Variants in CT47C1 observed in about 807,000 individuals in gnomAD.
The protein encoded by CT47C1 is cancer/testis antigen family 47 member C1, also known as cancer/testis antigen family 47 member A11 pseudogene.
At chrX:119,073,110 T>A in the CT47C1 span, 2 of 387,096 alleles carry the variant, frequency 5.2e-6, no homozygotes, top group Non-Finnish European at 8.8e-6. Flanking sequence ...AGACTCTTAT[T>A]CTCTCAGCAG....
the CT47C1 span, chrX:119,074,999 C>T: frequency 9.4e-7 from 1 of 1,067,878 alleles, no homozygotes; most frequent in East Asian, 3.0e-5. Flanking sequence ...GATGAAGAGG[C>T]CCAAGATGCT....
the CT47C1 span, chrX:119,073,344 G>A: frequency 3.8e-6 from 2 of 529,769 alleles, no homozygotes; most frequent in Non-Finnish European, 6.8e-6. Flanking sequence ...GGCCCCGACA[G>A]TGGCAACACT....
the CT47C1 span, among the ~76,000 whole-genome samples, chrX:119,075,524 A>G: frequency 1.8e-5 from 2 of 112,095 alleles, no homozygotes; most frequent in Non-Finnish European, 3.8e-5. Flanking sequence ...CTAGGAGACA[A>G]CTCAATGCCT....
At chrX:119,073,567 G>T in the CT47C1 span, 1 of 525,462 alleles carries the variant, frequency 1.9e-6, no homozygotes, top group East Asian at 3.5e-5. Flanking sequence ...ACTTGGTCGC[G>T]GCCGCCCGTC....
the CT47C1 span, chrX:119,073,771 C>T: frequency 6.1e-6 from 5 of 823,899 alleles, no homozygotes; most frequent in South Asian, 4.3e-5. Context: ...GCGTGGGGGC[C>T]GCGGGTCCTG....
the CT47C1 span, chrX:119,073,680 G>A: frequency 8.2e-6 from 5 of 612,275 alleles, no homozygotes; most frequent in East Asian, 1.0e-4. Flanking sequence ...ATGCGTGGCG[G>A]CCGCCTGATG....
the CT47C1 span, chrX:119,073,307 G>A: frequency 4.5e-5 from 23 of 511,236 alleles, no homozygotes; most frequent in Middle Eastern, 3.4e-4. Context: ...GGCCGAGGCC[G>A]TAGGTGACCG....
the CT47C1 span, chrX:119,074,138 A>C: frequency 2.1e-6 from 1 of 471,050 alleles, no homozygotes; most frequent in East Asian, 3.4e-5. Context: ...CAAGGGTTCC[A>C]GGCAGGGCCG....
the CT47C1 span, chrX:119,075,025 AAAG>A: frequency 1.8e-6 from 2 of 1,086,660 alleles, no homozygotes; most frequent in African/African-American, 3.7e-5. Flanking sequence ...CAAGGAAGAG[AAAG>A]AAGAGAAAGA....
chrX:119,073,769 G>A, the CT47C1 span: 4 of 819,818 alleles, frequency 4.9e-6, no homozygotes, highest in Non-Finnish European at 7.1e-6. Context: ...GGGCGTGGGG[G>A]CCGCGGGTCC....
At chrX:119,075,152 G>A in the CT47C1 span, 1 of 1,041,288 alleles carries the variant, frequency 9.6e-7, no homozygotes, top group Non-Finnish European at 1.3e-6. Flanking sequence ...AACTATTCCT[G>A]GCATTTACCT....
At chrX:119,073,961 G>C in the CT47C1 span, 1 of 757,220 alleles carries the variant, frequency 1.3e-6, no homozygotes, top group Non-Finnish European at 2.0e-6. Flanking sequence ...GCCCACAGAG[G>C]AGGCCGCAGA....
At chrX:119,074,150 G>A in the CT47C1 span, 4 of 455,904 alleles carry the variant, frequency 8.8e-6, no homozygotes, top group Non-Finnish European at 1.5e-5. Flanking sequence ...GCAGGGCCGC[G>A]GTGTGCGCAC....
the CT47C1 span, chrX:119,074,983 A>G: frequency 1.9e-6 from 2 of 1,052,000 alleles, no homozygotes; most frequent in Non-Finnish European, 1.3e-6. Flanking sequence ...TCAGCATGAA[A>G]AGTGGGATGA....
At chrX:119,075,244 TA>T in the CT47C1 span, 1 of 890,673 alleles carries the variant, frequency 1.1e-6, no homozygotes, top group Non-Finnish European at 1.5e-6. Flanking sequence ...CAATTTAGCT[TA>T]CTTAAAATGT....
the CT47C1 span, chrX:119,073,953 C>G: frequency 2.6e-6 from 2 of 778,066 alleles, no homozygotes; most frequent in Admixed American, 4.7e-5. Flanking sequence ...TCAGAGAAGC[C>G]CACAGAGGAG....
the CT47C1 span, among the ~76,000 whole-genome samples, chrX:119,075,756 C>A: frequency 4.9e-4 from 49 of 100,476 alleles, no homozygotes; most frequent in African/African-American, 1.7e-3. Flanking sequence ...TGCATTTTCA[C>A]AGCTGTATTA....
chrX:119,073,940 G>A, the CT47C1 span: 3 of 810,100 alleles, frequency 3.7e-6, no homozygotes, highest in South Asian at 6.2e-5. Flanking sequence ...CGCAGAGGAG[G>A]CCTCAGAGAA....
chrX:119,075,005 A>T, the CT47C1 span: 4 of 1,076,566 alleles, frequency 3.7e-6, no homozygotes, highest in Non-Finnish European at 3.8e-6. Flanking sequence ...GAGGCCCAAG[A>T]TGCTGCAGGC....
Sources: gnomAD v4.1 joint callset for allele counts (sites outside exome capture counted in the v4.1 genomes callset) on GRCh38, gnomAD v4.1.1 for gene constraint, MANE v1.5 for transcripts, NCBI Gene and HGNC (gene_info 2026-07-23, HGNC 2026-07-21) for gene names.